The following GSE1 variants were observed in gnomAD, a reference collection of about 807,000 sequenced individuals.
GSE1 encodes the protein Gse1 coiled-coil protein.
Under a neutral mutation model 112.6 loss-of-function variants are expected in GSE1, and 32 were observed. The observed-to-expected ratio is 0.28, with a 90% confidence interval of 0.21 to 0.38. GSE1 has a LOEUF of 0.38. Among genes scored for constraint, GSE1 ranks in the 10% least tolerant of loss-of-function variants. The pLI, the probability that GSE1 is intolerant of heterozygous loss-of-function variation, is 1.00. For synonymous variants in GSE1, 1,115 were observed against 735.6 expected, an observed-to-expected ratio of 1.52 and a Z score of -8.35; for missense variants, 2,348 against 1,699.2, an observed-to-expected ratio of 1.38 and a Z score of -6.71.
intron 1 of GSE1, among the ~76,000 whole-genome samples, chr16:85,290,724 T>C (rs755462061): frequency 1.3e-5 from 2 of 151,910 alleles, no homozygotes; most frequent in Non-Finnish European, 2.9e-5. Context: ...CACACAAAGA[T>C]AGGAGATGGC....
At chr16:85,640,839 G>C (rs1273735138) in intron 2 of GSE1, among the ~76,000 whole-genome samples, 4 of 152,244 alleles carry the variant, frequency 2.6e-5, no homozygotes, top group African/African-American at 7.2e-5. Flanking sequence ...GAGCCCGTCT[G>C]TCTCCCGCGC....
chr16:85,655,368 C>T (rs760543719), intron 5 of GSE1, among the ~76,000 whole-genome samples: 1 of 152,212 alleles, frequency 6.6e-6, no homozygotes, highest in Non-Finnish European at 1.5e-5. Flanking sequence ...GAAGCTCTGC[C>T]CATCCTTGTC....
At chr16:85,421,116 G>T (rs1490998494) in intron 2 of GSE1, among the ~76,000 whole-genome samples, 1 of 152,226 alleles carries the variant, frequency 6.6e-6, no homozygotes, top group Non-Finnish European at 1.5e-5. Context: ...ACAGAGCCCG[G>T]CACGCAGTGG....
At chr16:85,386,441 G>A (rs2151633593) in intron 2 of GSE1, among the ~76,000 whole-genome samples, 1 of 152,356 alleles carries the variant, frequency 6.6e-6, no homozygotes, top group South Asian at 2.1e-4. Flanking sequence ...AACGCACGGG[G>A]GTTTGAGATG....
intron 2 of GSE1, among the ~76,000 whole-genome samples, chr16:85,450,190 C>T (rs1046688041): frequency 5.7e-5 from 7 of 123,578 alleles, no homozygotes; most frequent in Admixed American, 1.1e-4. Context: ...AGTGTGATCT[C>T]GGCTCACCAC....
At chr16:85,526,184 GAC>G (rs1434101462) in intron 2 of GSE1, among the ~76,000 whole-genome samples, 1 of 152,218 alleles carries the variant, frequency 6.6e-6, no homozygotes, top group Non-Finnish European at 1.5e-5. Context: ...AGCAGCAAAA[GAC>G]ACATTCACTG....
intron 2 of GSE1, among the ~76,000 whole-genome samples, chr16:85,534,854 G>A (rs1393535771): frequency 6.6e-6 from 1 of 152,236 alleles, no homozygotes; most frequent in East Asian, 1.9e-4. Context: ...GCTGCGTGGT[G>A]TTCCGTGGTA....
intron 1 of GSE1, among the ~76,000 whole-genome samples, chr16:85,605,574 G>A (rs2047669153): frequency 1.3e-5 from 2 of 152,036 alleles, no homozygotes; most frequent in Admixed American, 6.5e-5. Flanking sequence ...TCCTTGCAGG[G>A]CAGCAGCTAA....
chr16:85,391,168 C>T (rs956947722), intron 2 of GSE1, among the ~76,000 whole-genome samples: 1 of 152,214 alleles, frequency 6.6e-6, no homozygotes, highest in Non-Finnish European at 1.5e-5. Flanking sequence ...CAAGGCAGAC[C>T]CACAGCAGCA....
chr16:85,199,035 C>A (rs902297781), intron 1 of GSE1, among the ~76,000 whole-genome samples: 1 of 152,022 alleles, frequency 6.6e-6, no homozygotes. Context: ...ACCTCTGCCT[C>A]CCTGGTTCAA....
intron 1 of GSE1, among the ~76,000 whole-genome samples, chr16:85,238,893 G>T (rs1223579768): frequency 1.3e-5 from 2 of 152,034 alleles, no homozygotes; most frequent in African/African-American, 4.8e-5. Context: ...ACCTGCTGAC[G>T]CCACCTGCAC....
chr16:85,482,105 G>T (rs1189794681), intron 2 of GSE1, among the ~76,000 whole-genome samples: 1 of 152,250 alleles, frequency 6.6e-6, no homozygotes. Flanking sequence ...TGTCATGTTT[G>T]TTCGGGACCC....
rs186284979 is a variant in GSE1, at chr16:85,530,744, A to C, written c.2465-103170A>C. 2.6e-5 allele frequency among the ~76,000 whole-genome samples: 4 copies of C among 152,384 alleles called. No homozygotes were observed. The East Asian group carries it at 7.7e-4, about 29-fold the overall frequency. On this transcript the variant is annotated intron_variant, in intron 2 of 2. Transcript: ENST00000637419. ...AAGTTCCCATTAATGGATGGAATAC[A>C]CAGGAAACAATTACAGCCTGCATGG...
chr16:85,413,462 T>G (rs2048631046), intron 2 of GSE1, among the ~76,000 whole-genome samples: 1 of 151,540 alleles, frequency 6.6e-6, no homozygotes, highest in South Asian at 2.1e-4. Flanking sequence ...TGGAGCACCA[T>G]CTTCCATCAC....
chr16:85,200,373 TG>T (rs1567606463), intron 1 of GSE1, among the ~76,000 whole-genome samples: 1 of 150,932 alleles, frequency 6.6e-6, no homozygotes, highest in Non-Finnish European at 1.5e-5. Context: ...AGCATTTTCC[TG>T]GGGGCTTGGG....
In GSE1 at chr16:85,500,998, G is replaced by GTTTTTTTTTTTTTTT. The variant is rs55650214; in HGVS notation, c.2465-132905_2465-132891dup. Among the ~76,000 whole-genome samples the GTTTTTTTTTTTTTTT allele has an allele frequency of 1.1e-4, 7 of 64,836 alleles. 2 individuals are homozygous for GTTTTTTTTTTTTTTT. The highest frequency in any genetic ancestry group is 5.0e-4 in the Admixed American group (2 of 4,006). The allele number at this position is 64,836 out of a possible 152,430, so 42.5% of individuals were successfully genotyped here. The stretch of plus-strand genomic sequence containing the variant: ...ACCCTACTCCAGTATGGCCTGTTCT[G>GTTTTTTTTTTTTTTT]TTTTTTTTTTTTTTTTTTTTTTTTT... On this transcript the variant is annotated intron_variant, in intron 2 of 2. Transcript: ENST00000637419.
At chr16:85,518,035 G>A (rs2052011968) in intron 2 of GSE1, among the ~76,000 whole-genome samples, 1 of 152,236 alleles carries the variant, frequency 6.6e-6, no homozygotes. Context: ...CCGGGCACCA[G>A]GGACACGGCT....
chr16:85,636,341 G>A (rs1292888475), intron 2 of GSE1, among the ~76,000 whole-genome samples: 1 of 152,224 alleles, frequency 6.6e-6, no homozygotes, highest in Admixed American at 6.5e-5. Context: ...GTCTGCGGAT[G>A]TGGAGCAGTG....
At chr16:85,239,067 A>C (rs1283842992) in intron 1 of GSE1, among the ~76,000 whole-genome samples, 1 of 152,026 alleles carries the variant, frequency 6.6e-6, no homozygotes, top group African/African-American at 2.4e-5. Context: ...AGCTGGGATT[A>C]TAGGCACCCG....
Sources: gnomAD v4.1 joint callset for allele counts (sites outside exome capture counted in the v4.1 genomes callset) on GRCh38, gnomAD v4.1.1 for gene constraint, MANE v1.5 for transcripts, NCBI Gene and HGNC (gene_info 2026-07-23, HGNC 2026-07-21) for gene names.